STPG1: variants seen among roughly 807,000 people sequenced by gnomAD.
The protein encoded by STPG1 is sperm tail PG-rich repeat containing 1.
In STPG1, 33 loss-of-function variants were observed where a neutral mutation model predicts 40.1. The observed-to-expected ratio is 0.82, with a 90% CI of 0.62 to 1.10. The LOEUF (loss-of-function observed/expected upper bound fraction) is 1.10. STPG1 is among the 50% of genes least tolerant of loss of function. The pLI, the probability that STPG1 is intolerant of heterozygous loss-of-function variation, is 0.00. For missense variants in STPG1, 396 were observed against 415.1 expected, an observed-to-expected ratio of 0.95 and a Z score of 0.40; for synonymous variants, 150 against 155.0, an observed-to-expected ratio of 0.97 and a Z score of 0.24.
intron 7 of STPG1, among the ~76,000 whole-genome samples, chr1:24,366,511 T>C (rs1030253085): frequency 3.9e-5 from 6 of 152,358 alleles, no homozygotes; most frequent in Non-Finnish European, 8.8e-5. Context: ...AACAGATAAA[T>C]GTTTTTTTTA....
intron 4 of STPG1, among the ~76,000 whole-genome samples, chr1:24,381,109 G>C (rs1642263536): frequency 2.0e-5 from 3 of 152,076 alleles, no homozygotes; most frequent in Admixed American, 2.0e-4. Flanking sequence ...AATTCAGGCG[G>C]AGGACCAGCA....
At chr1:24,401,869 CAG>C (rs1643243071) in intron 1 of STPG1, among the ~76,000 whole-genome samples, 1 of 151,816 alleles carries the variant, frequency 6.6e-6, no homozygotes, top group African/African-American at 2.4e-5. Flanking sequence ...GTATTTTTAG[CAG>C]AGATGGGGTT....
chr1:24,405,260 T>G (rs1241667075), intron 1 of STPG1, among the ~76,000 whole-genome samples: 8 of 152,338 alleles, frequency 5.3e-5, no homozygotes, highest in South Asian at 2.1e-4. Flanking sequence ...ACCCAGCGCC[T>G]TCTTCTTTCT....
At chr1:24,364,438 T>G in intron 7 of STPG1, 1 of 1,455,472 alleles carries the variant, frequency 6.9e-7, no homozygotes, top group Non-Finnish European at 9.1e-7. Flanking sequence ...CAGCTCAGAG[T>G]ATGTGGCCCC....
At chr1:24,405,657 T>C (rs1020734726) in intron 1 of STPG1, among the ~76,000 whole-genome samples, 1 of 152,232 alleles carries the variant, frequency 6.6e-6, no homozygotes, top group Non-Finnish European at 1.5e-5. Context: ...TGTTTATTTC[T>C]CTTTTAAGCT....
intron 1 of STPG1, 31 bp downstream of exon 1, chr1:24,413,643 G>C (rs541090385): frequency 1.3e-5 from 2 of 152,246 alleles, no homozygotes; most frequent in Non-Finnish European, 2.9e-5. Flanking sequence ...CGACCTCAGG[G>C]ACCGGTCCCC....
chr1:24,363,150 A>G (rs567797020), intron 7 of STPG1, among the ~76,000 whole-genome samples: 1 of 152,326 alleles, frequency 6.6e-6, no homozygotes, highest in African/African-American at 2.4e-5. Flanking sequence ...TGAGAAAACC[A>G]TGAGGTGTCT....
At chr1:24,391,260 A>AT (rs1043158253) in intron 3 of STPG1, 15 of 195,032 alleles carry the variant, frequency 7.7e-5, no homozygotes, top group East Asian at 1.2e-4. Flanking sequence ...AATTTTTGCA[A>AT]TTTTTTAGCT....
intron 7 of STPG1, among the ~76,000 whole-genome samples, chr1:24,365,933 C>T (rs952966495): frequency 6.6e-5 from 10 of 152,186 alleles, no homozygotes; most frequent in East Asian, 1.9e-4. Flanking sequence ...CTTCAGGGGA[C>T]GTGATCAGCC....
chr1:24,413,074 TA>T (rs1424869768), intron 1 of STPG1, among the ~76,000 whole-genome samples: 9 of 152,366 alleles, frequency 5.9e-5, no homozygotes, highest in African/African-American at 2.2e-4. Flanking sequence ...TCTACTCAGT[TA>T]TAAGCATCTT....
intron 3 of STPG1, among the ~76,000 whole-genome samples, chr1:24,388,076 T>C (rs1642593030): frequency 6.6e-6 from 1 of 152,246 alleles, no homozygotes. Flanking sequence ...ACATGGTACC[T>C]ATGTCCTACC....
chr1:24,391,346 C>T, intron 3 of STPG1: 1 of 369,824 alleles, frequency 2.7e-6, no homozygotes, highest in Non-Finnish European at 4.8e-6. Flanking sequence ...GCCATAAATC[C>T]AGACACAGTT....
At chr1:24,379,617 C>T (rs551667574) in intron 5 of STPG1, 36 bp downstream of exon 5, 25 of 1,601,036 alleles carry the variant, frequency 1.6e-5, no homozygotes, top group African/African-American at 2.7e-5. Context: ...ACCATTAATT[C>T]GATCTGTATT....
At chr1:24,391,788 G>A in intron 2 of STPG1, 109 bp from the exon 3 acceptor site, 4 of 1,172,026 alleles carry the variant, frequency 3.4e-6, no homozygotes, top group East Asian at 3.0e-5. Flanking sequence ...GTAGAGAAGA[G>A]AAACTTGCCT....
intron 7 of STPG1, among the ~76,000 whole-genome samples, chr1:24,367,194 G>A (rs765587442): frequency 1.1e-4 from 17 of 152,192 alleles, no homozygotes; most frequent in South Asian, 2.1e-4. Flanking sequence ...GGCTGGAGGC[G>A]TGGTGTCCTG....
chr1:24,389,726 C>T (rs1244450186), intron 3 of STPG1, among the ~76,000 whole-genome samples: 1 of 151,896 alleles, frequency 6.6e-6, no homozygotes. Context: ...TGGAGAGGGA[C>T]AATATATTAT....
At chr1:24,400,244 G>A (rs1643168276) in intron 2 of STPG1, among the ~76,000 whole-genome samples, 1 of 152,202 alleles carries the variant, frequency 6.6e-6, no homozygotes, top group Non-Finnish European at 1.5e-5. Flanking sequence ...TGAAACATAA[G>A]CCTGAGAGAA....
At chr1:24,386,219 T>C (rs1642497331) in intron 3 of STPG1, among the ~76,000 whole-genome samples, 2 of 152,258 alleles carry the variant, frequency 1.3e-5, no homozygotes, top group Admixed American at 1.3e-4. Flanking sequence ...AATTCTAATT[T>C]AACTGGACAT....
intron 6 of STPG1, among the ~76,000 whole-genome samples, chr1:24,372,316 A>AT (rs1471695874): frequency 6.6e-6 from 1 of 152,228 alleles, no homozygotes; most frequent in Non-Finnish European, 1.5e-5. Context: ...TGAGCCCATG[A>AT]TTATGTGGTG....
Sources: gnomAD v4.1 joint callset for allele counts (sites outside exome capture counted in the v4.1 genomes callset) on GRCh38, gnomAD v4.1.1 for gene constraint, MANE v1.5 for transcripts, NCBI Gene and HGNC (gene_info 2026-07-23, HGNC 2026-07-21) for gene names.